Variants in HMGA2 observed in about 807,000 individuals in gnomAD.
HMGA2 encodes the protein high mobility group protein HMGI-C.
Under a neutral mutation model 19.1 loss-of-function variants are expected in HMGA2, and 8 were observed. That is an observed-to-expected ratio of 0.42 (90% CI 0.25 to 0.76). The LOEUF (loss-of-function observed/expected upper bound fraction) is 0.76. Ranked by LOEUF, HMGA2 falls within the 30% of genes least tolerant of loss-of-function variation. HMGA2 has a pLI of 0.28. For missense variants in HMGA2, 109 were observed against 136.3 expected, an observed-to-expected ratio of 0.80 and a Z score of 1.00; for synonymous variants, 60 against 48.8, an observed-to-expected ratio of 1.23 and a Z score of -0.96.
chr12:65,869,958 A>G (rs1428224604), intron 3 of HMGA2, among the ~76,000 whole-genome samples: 2 of 152,154 alleles, frequency 1.3e-5, no homozygotes, highest in Admixed American at 1.3e-4. Flanking sequence ...AAAAATCTTA[A>G]CAGTTTTTCA....
intron 3 of HMGA2, among the ~76,000 whole-genome samples, chr12:65,868,794 A>G (rs759336644): frequency 8.5e-5 from 13 of 152,204 alleles, no homozygotes; most frequent in African/African-American, 1.2e-4. Flanking sequence ...ATCAATTTTA[A>G]TAAGTTGTCA....
chr12:65,932,224 T>C (rs2121269538), intron 3 of HMGA2, among the ~76,000 whole-genome samples: 1 of 152,348 alleles, frequency 6.6e-6, no homozygotes, highest in East Asian at 1.9e-4. Flanking sequence ...TCCAGATAGT[T>C]GAGTTATTGC....
chr12:65,919,390 T>C (rs753629555), intron 3 of HMGA2, among the ~76,000 whole-genome samples: 27 of 151,944 alleles, frequency 1.8e-4, no homozygotes, highest in Admixed American at 1.2e-3. Flanking sequence ...AAAAAAAAAA[T>C]GGTAGTAGTC....
intron 3 of HMGA2, among the ~76,000 whole-genome samples, chr12:65,903,835 TA>T (rs948869705): frequency 1.1e-4 from 17 of 152,316 alleles, no homozygotes; most frequent in African/African-American, 3.8e-4. Context: ...CTTCTGTGAA[TA>T]ACTAGCAGAT....
intron 3 of HMGA2, among the ~76,000 whole-genome samples, chr12:65,873,627 ATG>A (rs1872819521): frequency 6.6e-6 from 1 of 152,190 alleles, no homozygotes; most frequent in Non-Finnish European, 1.5e-5. Context: ...GCATGTCTAC[ATG>A]TGTTTTATGA....
intron 3 of HMGA2, among the ~76,000 whole-genome samples, chr12:65,941,157 T>C (rs1056241810): frequency 6.6e-6 from 1 of 152,188 alleles, no homozygotes; most frequent in Non-Finnish European, 1.5e-5. Context: ...TCAAGACAGT[T>C]GCCTGAAGCT....
intron 3 of HMGA2, chr12:65,867,462 C>T (rs765964154): frequency 1.3e-5 from 6 of 453,956 alleles, no homozygotes; most frequent in South Asian, 7.8e-5. Flanking sequence ...GCCAGTTTTC[C>T]CTTAATGAGT....
intron 3 of HMGA2, chr12:65,857,483 T>C (rs1040355707): frequency 1.6e-4 from 25 of 152,368 alleles, no homozygotes; most frequent in African/African-American, 5.8e-4. Context: ...GTTTGCTCTA[T>C]AATATTTAAT....
chr12:65,920,671 T>C (rs1875274827), intron 3 of HMGA2, among the ~76,000 whole-genome samples: 1 of 152,206 alleles, frequency 6.6e-6, no homozygotes, highest in Admixed American at 6.5e-5. Context: ...CTTCCTCATT[T>C]TCTCTTGCCA....
At chr12:65,958,911 T>C (rs964635943) in intron 4 of HMGA2, 2 of 152,018 alleles carry the variant, frequency 1.3e-5, no homozygotes, top group Non-Finnish European at 2.9e-5. Flanking sequence ...ATTTTTGCAC[T>C]CCGTACCACA....
At chr12:65,891,844 G>C (rs527374956) in intron 3 of HMGA2, among the ~76,000 whole-genome samples, 5 of 152,164 alleles carry the variant, frequency 3.3e-5, no homozygotes, top group Non-Finnish European at 7.3e-5. Context: ...TATTAAATAA[G>C]AGCATGAGTT....
At chr12:65,953,813 G>T (rs531718282) in intron 4 of HMGA2, 1 of 152,306 alleles carries the variant, frequency 6.6e-6, no homozygotes, top group African/African-American at 2.4e-5. Flanking sequence ...GTGAAAGTTC[G>T]TGGAGGATAA....
rs149554219 is a variant in HMGA2, at chr12:65,902,056, A to G, written c.250-49327A>G. Among the ~76,000 whole-genome samples, 15 of 152,310 alleles carry G rather than the reference A, an allele frequency of 9.8e-5. No homozygotes were observed. The East Asian group carries it at 2.3e-3, about 23-fold the overall frequency. On this transcript the variant is annotated intron_variant, in intron 3 of 4. Coordinates refer to ENST00000403681, the MANE Select transcript of HMGA2 (RefSeq NM_003483.6). ...TTAGTTTATTCTCTGAGAAACGACT[A>G]TGTAGCAAACTTTGTCCTGGGCTCT...
At chr12:65,941,743 C>G (rs987699333) in intron 3 of HMGA2, among the ~76,000 whole-genome samples, 1 of 152,146 alleles carries the variant, frequency 6.6e-6, no homozygotes. Context: ...ACTTGATAGT[C>G]AAATCATTTT....
intron 3 of HMGA2, among the ~76,000 whole-genome samples, chr12:65,929,020 C>T (rs1300818252): frequency 6.6e-6 from 1 of 151,952 alleles, no homozygotes; most frequent in African/African-American, 2.4e-5. Flanking sequence ...ACCTTCTTAC[C>T]ATTTTAAGAA....
At chr12:65,845,680 T>C (rs1167873597) in intron 3 of HMGA2, among the ~76,000 whole-genome samples, 3 of 152,186 alleles carry the variant, frequency 2.0e-5, no homozygotes, top group South Asian at 2.1e-4. Context: ...GCCTACTCCT[T>C]GTATTCCAGA....
chr12:65,949,421 T>G (rs1210508983), intron 3 of HMGA2, among the ~76,000 whole-genome samples: 3 of 152,156 alleles, frequency 2.0e-5, no homozygotes, highest in African/African-American at 4.8e-5. Flanking sequence ...GTATCCTAAG[T>G]GCTGTTATTT....
intron 3 of HMGA2, among the ~76,000 whole-genome samples, chr12:65,847,516 A>T (rs146345330): frequency 6.6e-6 from 1 of 152,304 alleles, no homozygotes; most frequent in East Asian, 1.9e-4. Context: ...GGTTGGGTGC[A>T]TATCTCCTAT....
chr12:65,836,822 C>A (rs1592375560), intron 2 of HMGA2, among the ~76,000 whole-genome samples: 1 of 152,156 alleles, frequency 6.6e-6, no homozygotes, highest in East Asian at 1.9e-4. Flanking sequence ...TAGATAGAAC[C>A]CCTAAAGGCT....
Sources: gnomAD v4.1 joint callset for allele counts (sites outside exome capture counted in the v4.1 genomes callset) on GRCh38, gnomAD v4.1.1 for gene constraint, MANE v1.5 for transcripts, NCBI Gene and HGNC (gene_info 2026-07-23, HGNC 2026-07-21) for gene names.